ASPH: variants seen among roughly 807,000 people sequenced by gnomAD.
ASPH encodes aspartyl/asparaginyl beta-hydroxylase.
A neutral mutation model predicts 118.4 loss-of-function variants in ASPH; 100 were observed. That is an observed-to-expected ratio of 0.84 (90% CI 0.72 to 1.00). ASPH has a LOEUF of 1.00. Ranked by LOEUF, ASPH falls within the 50% of genes least tolerant of loss-of-function variation. The pLI is 0.00. For synonymous variants in ASPH, 315 were observed against 325.6 expected (o/e 0.97, Z 0.35); for missense variants, 920 against 919.5 (o/e 1.00, Z -0.01).
chr8:61,572,301 A>T (rs16927566), intron 16 of ASPH, among the ~76,000 whole-genome samples: 14,864 of 152,170 alleles, frequency 0.098, 759 homozygotes, highest in Non-Finnish European at 0.12. Flanking sequence ...AGGGTTGACA[A>T]TCTTGACCTC....
chr8:61,531,348 C>T (rs978171342), intron 21 of ASPH, among the ~76,000 whole-genome samples: 2 of 152,134 alleles, frequency 1.3e-5, no homozygotes, highest in African/African-American at 4.8e-5. Context: ...TCCCCTTGGC[C>T]TCTGCCTGGT....
chr8:61,523,944 T>C (rs549150382), intron 22 of ASPH, among the ~76,000 whole-genome samples: 1 of 152,262 alleles, frequency 6.6e-6, no homozygotes, highest in African/African-American at 2.4e-5. Context: ...ATTTAAAAAT[T>C]AGCCAGGTAT....
At chr8:61,514,227 A>C (rs1206086532) in intron 24 of ASPH, among the ~76,000 whole-genome samples, 1 of 151,628 alleles carries the variant, frequency 6.6e-6, no homozygotes, top group Non-Finnish European at 1.5e-5. Context: ...CATTCTTCCA[A>C]TCTTGGCTTT....
intron 1 of ASPH, among the ~76,000 whole-genome samples, chr8:61,712,716 G>A (rs1031670753): frequency 3.3e-5 from 5 of 152,166 alleles, no homozygotes; most frequent in Non-Finnish European, 5.9e-5. Context: ...AAATAGTTAT[G>A]GGGTAGGTCT....
chr8:61,548,619 A>T (rs1824758448), intron 20 of ASPH, among the ~76,000 whole-genome samples: 1 of 152,178 alleles, frequency 6.6e-6, no homozygotes, highest in Non-Finnish European at 1.5e-5. Context: ...AGATATTTGC[A>T]TTTACTGAAT....
intron 5 of ASPH, 95 bp from the exon 6 acceptor site, chr8:61,646,973 C>T (rs1808359036): frequency 6.6e-7 from 1 of 1,516,980 alleles, no homozygotes; most frequent in African/African-American, 1.4e-5. Context: ...GCTGCTGGGG[C>T]TTCCCCTGCC....
At chr8:61,551,718 A>G (rs1826080092) in intron 20 of ASPH, among the ~76,000 whole-genome samples, 1 of 152,252 alleles carries the variant, frequency 6.6e-6, no homozygotes, top group Admixed American at 6.5e-5. Flanking sequence ...GATTACATTT[A>G]CAGTAGTCAG....
intron 21 of ASPH, among the ~76,000 whole-genome samples, chr8:61,537,552 A>ATTT (rs1820092164): frequency 6.6e-6 from 1 of 151,978 alleles, no homozygotes; most frequent in Non-Finnish European, 1.5e-5. Context: ...TATTATTATT[A>ATTT]TTATTTTGTA....
chr8:61,536,644 C>A (rs886804964), intron 21 of ASPH, among the ~76,000 whole-genome samples: 3 of 152,134 alleles, frequency 2.0e-5, no homozygotes, highest in Non-Finnish European at 2.9e-5. Context: ...GAACTGTGGA[C>A]AAAATTCAGG....
chr8:61,689,797 C>G (rs989189996), intron 1 of ASPH: 1 of 1,490,698 alleles, frequency 6.7e-7, no homozygotes, highest in Admixed American at 2.5e-5. Flanking sequence ...CACTTGCCTA[C>G]CAGAGCTTGA....
In ASPH at chr8:61,545,635, G is replaced by GA. The variant is rs148857025; in HGVS notation, c.1764+2435dup. 4.4e-3 allele frequency among the ~76,000 whole-genome samples: 670 copies of GA among 152,296 alleles called. 11 individuals carry two copies. In the East Asian group the frequency reaches 0.053, roughly 12 times the overall value. ...AGATTTCTTAGAAAATGAATGGCAA[G>GA]AAAAAGAGAAAAGAAAGCAAAGAAC... On this transcript the variant is annotated intron_variant, in intron 21 of 24. Transcript: ENST00000379454.
At chr8:61,560,074 A>C (rs923446616) in intron 18 of ASPH, among the ~76,000 whole-genome samples, 1 of 152,236 alleles carries the variant, frequency 6.6e-6, no homozygotes, top group Non-Finnish European at 1.5e-5. Flanking sequence ...GTGATTTGGT[A>C]CCAGATTATA....
At chr8:61,668,341 G>A in intron 3 of ASPH, 1 of 1,347,826 alleles carries the variant, frequency 7.4e-7, no homozygotes, top group Non-Finnish European at 1.0e-6. Flanking sequence ...AAAAATAAGT[G>A]TCTATTAAAT....
chr8:61,515,394 T>C (rs560768111), intron 24 of ASPH, among the ~76,000 whole-genome samples: 1 of 152,320 alleles, frequency 6.6e-6, no homozygotes, highest in South Asian at 2.1e-4. Flanking sequence ...TGTCCAGTGA[T>C]CCCTGATTCC....
intron 10 of ASPH, among the ~76,000 whole-genome samples, chr8:61,641,316 T>C (rs1244287138): frequency 1.3e-5 from 2 of 152,210 alleles, no homozygotes; most frequent in South Asian, 2.1e-4. Flanking sequence ...ATTCCAAACA[T>C]GTTCTTTATA....
chr8:61,691,716 T>G (rs1832701611), intron 1 of ASPH, among the ~76,000 whole-genome samples: 1 of 152,162 alleles, frequency 6.6e-6, no homozygotes, highest in African/African-American at 2.4e-5. Flanking sequence ...TTGGGGGAAG[T>G]CATCAAACTT....
chr8:61,503,372 A>G lies in ASPH; in HGVS notation c.2264T>C (p.Leu755Pro), dbSNP rs754112474. ...CATGAATTCATGCTAAATTGCTGGA[A>G]GGCTGCGTCTCTGCTGTGGTGTCAG... ...PELTPQQRRS[L>P]PAI Residue 755 changes from leucine to proline, a missense_variant, in exon 25 of 25, where the codon CTT (leucine) becomes CCT (proline). Coordinates refer to ENST00000379454, the MANE Select transcript of ASPH (RefSeq NM_004318.4). 1 of 1,605,224 alleles carries G rather than the reference A, an allele frequency of 6.2e-7. No homozygotes were observed. Among genetic ancestry groups the G allele is most frequent in the Admixed American group, 1.7e-5 (1 of 59,186 alleles).
intron 22 of ASPH, among the ~76,000 whole-genome samples, chr8:61,523,440 C>T (rs549336144): frequency 2.0e-5 from 3 of 151,674 alleles, no homozygotes; most frequent in African/African-American, 4.8e-5. Context: ...CTCAGCCTCC[C>T]GAGTAGCTGG....
At chr8:61,517,297 G>C (rs1811267788) in intron 24 of ASPH, 1 of 516,172 alleles carries the variant, frequency 1.9e-6, no homozygotes, top group Non-Finnish European at 3.3e-6. Context: ...AACTAGATAA[G>C]TACTCTGCCG....
Sources: gnomAD v4.1 joint callset for allele counts (sites outside exome capture counted in the v4.1 genomes callset) on GRCh38, gnomAD v4.1.1 for gene constraint, MANE v1.5 for transcripts, NCBI Gene and HGNC (gene_info 2026-07-23, HGNC 2026-07-21) for gene names.